MAF: variants seen among roughly 807,000 people sequenced by gnomAD.
MAF encodes transcription factor Maf.
A neutral mutation model predicts 22.0 loss-of-function variants in MAF; 10 were observed. That is an observed-to-expected ratio of 0.45 (90% confidence interval 0.28 to 0.77). MAF has a LOEUF of 0.77. Among genes scored for constraint, MAF ranks in the 30% least tolerant of loss-of-function variants. The pLI is 0.12. For missense variants in MAF, 544 were observed against 548.4 expected (o/e 0.99, Z 0.08); for synonymous variants, 337 against 255.8 (o/e 1.32, Z -3.03).
the MAF span, among the ~76,000 whole-genome samples, chr16:79,248,824 G>C: frequency 6.6e-6 from 1 of 151,910 alleles, no homozygotes; most frequent in Non-Finnish European, 1.5e-5. Flanking sequence ...AGCTTAGTGA[G>C]CTGAATATCT....
At chr16:79,504,124 TTTC>T in the MAF span, among the ~76,000 whole-genome samples, 2 of 152,196 alleles carry the variant, frequency 1.3e-5, no homozygotes, top group African/African-American at 4.8e-5. Context: ...AGATGTGACT[TTTC>T]ACCTTCTGTT....
chr16:79,219,979 G>A, the MAF span, among the ~76,000 whole-genome samples: 22 of 152,172 alleles, frequency 1.4e-4, no homozygotes, highest in African/African-American at 1.2e-4. Flanking sequence ...TAAACAAAAT[G>A]TACTGCTGTT....
the MAF span, among the ~76,000 whole-genome samples, chr16:79,316,653 C>A: frequency 7.2e-5 from 11 of 152,110 alleles, no homozygotes; most frequent in Admixed American, 7.2e-4. Context: ...CCAAGATATG[C>A]CTTCAGAGGA....
chr16:79,211,660 G>T, the MAF span: 3 of 1,614,196 alleles, frequency 1.9e-6, no homozygotes, highest in East Asian at 2.2e-5. Context: ...GAACTGGAGG[G>T]TCTGGGAGGG....
the MAF span, among the ~76,000 whole-genome samples, chr16:79,555,408 C>T: frequency 6.6e-6 from 1 of 152,088 alleles, no homozygotes; most frequent in Non-Finnish European, 1.5e-5. Context: ...CCATGGTGTA[C>T]TGGTAAATGT....
the MAF span, among the ~76,000 whole-genome samples, chr16:79,451,668 C>A: frequency 6.6e-6 from 1 of 152,074 alleles, no homozygotes; most frequent in Non-Finnish European, 1.5e-5. Flanking sequence ...TTTAAAATAT[C>A]TTTTTTATTA....
At chr16:79,589,538 G>C (rs887402507), downstream of MAF, among the ~76,000 whole-genome samples, 1 of 152,116 alleles carries the variant, frequency 6.6e-6, no homozygotes, top group Non-Finnish European at 1.5e-5. Context: ...AAAACTAATA[G>C]AAGAAAAATC....
the MAF span, among the ~76,000 whole-genome samples, chr16:79,403,473 C>T: frequency 3.9e-5 from 6 of 152,152 alleles, no homozygotes; most frequent in South Asian, 1.2e-3. Flanking sequence ...GATCAAGTGC[C>T]CGCCCCTCAC....
the MAF span, among the ~76,000 whole-genome samples, chr16:79,577,131 C>T: frequency 9.2e-5 from 14 of 152,252 alleles, no homozygotes; most frequent in South Asian, 2.9e-3. Flanking sequence ...TATCAAACCA[C>T]AGAATCATTT....
At chr16:79,580,352 C>T in the MAF span, among the ~76,000 whole-genome samples, 1,550 of 152,278 alleles carry the variant, frequency 0.01, 22 homozygotes, top group African/African-American at 0.035. Context: ...ACAGATGGAA[C>T]AGTCTAAATA....
At chr16:79,413,123 G>C in the MAF span, among the ~76,000 whole-genome samples, 1 of 147,894 alleles carries the variant, frequency 6.8e-6, no homozygotes, top group Non-Finnish European at 1.5e-5. Flanking sequence ...CCCAGGACAA[G>C]TTGTGACATA....
chr16:79,568,069 A>C, the MAF span, among the ~76,000 whole-genome samples: 1 of 152,256 alleles, frequency 6.6e-6, no homozygotes, highest in Non-Finnish European at 1.5e-5. Flanking sequence ...AAGCAAAATG[A>C]ACTACAGTAA....
the MAF span, among the ~76,000 whole-genome samples, chr16:79,235,713 A>G: frequency 1.3e-5 from 2 of 152,018 alleles, no homozygotes; most frequent in Admixed American, 1.3e-4. Context: ...CTTCACCTCA[A>G]TGTTGGGAGG....
chr16:79,220,267 A>AG, the MAF span, among the ~76,000 whole-genome samples: 4 of 151,264 alleles, frequency 2.6e-5, no homozygotes, highest in African/African-American at 9.7e-5. Flanking sequence ...AAAAAAAAAA[A>AG]AAAAAAAGTT....
At chr16:79,440,094 G>A in the MAF span, among the ~76,000 whole-genome samples, 1 of 152,256 alleles carries the variant, frequency 6.6e-6, no homozygotes, top group East Asian at 1.9e-4. Context: ...CCTTCCCTTT[G>A]GACATGGTTC....
chr16:79,345,088 C>T, the MAF span, among the ~76,000 whole-genome samples: 134 of 152,310 alleles, frequency 8.8e-4, 1 homozygote, highest in African/African-American at 3.1e-3. Context: ...GAATCATGCT[C>T]AGCATGTACA....
chr16:79,443,832 G>A, the MAF span, among the ~76,000 whole-genome samples: 1 of 151,916 alleles, frequency 6.6e-6, no homozygotes, highest in Non-Finnish European at 1.5e-5. Context: ...TTGCTTGGAG[G>A]ATTAATTTAA....
At chr16:79,404,078 A>T in the MAF span, among the ~76,000 whole-genome samples, 1 of 151,756 alleles carries the variant, frequency 6.6e-6, no homozygotes, top group African/African-American at 2.4e-5. Context: ...TTCCACCTTG[A>T]TCTGTTTCCA....
At chr16:79,344,058 A>G in the MAF span, among the ~76,000 whole-genome samples, 1 of 152,250 alleles carries the variant, frequency 6.6e-6, no homozygotes, top group Non-Finnish European at 1.5e-5. Context: ...CTCTGTGAGC[A>G]TGACCTTGAG....
Sources: allele counts gnomAD v4.1 joint callset (sites outside exome capture counted in the v4.1 genomes callset), GRCh38; gene constraint gnomAD v4.1.1; transcripts MANE v1.5; gene names NCBI Gene and HGNC (gene_info 2026-07-23, HGNC 2026-07-21).